The following HTR1F variants were observed in gnomAD, a reference collection of about 807,000 sequenced individuals.
The protein encoded by HTR1F is 5-hydroxytryptamine receptor 1F.
In HTR1F, 17 loss-of-function variants were observed where a neutral mutation model predicts 24.0. That is an observed-to-expected ratio of 0.71 (90% CI 0.48 to 1.06). The LOEUF is 1.06. Ranked by LOEUF, HTR1F falls within the 50% of genes least tolerant of loss-of-function variation. The pLI is 0.00. For missense variants in HTR1F, 391 were observed against 427.8 expected (o/e 0.91, Z 0.76); for synonymous variants, 186 against 156.8 (o/e 1.19, Z -1.39).
At chr3:87,873,723 T>C (rs992108278) in intron 2 of HTR1F, among the ~76,000 whole-genome samples, 11 of 152,182 alleles carry the variant, frequency 7.2e-5, no homozygotes, top group African/African-American at 2.2e-4. Flanking sequence ...AAAAAGATTA[T>C]ACATCATGAC....
At chr3:87,946,232 C>T (rs1451960917) in intron 2 of HTR1F, among the ~76,000 whole-genome samples, 3 of 152,116 alleles carry the variant, frequency 2.0e-5, no homozygotes, top group African/African-American at 4.8e-5. Flanking sequence ...CGGCGGTATG[C>T]GACGGCGGCA....
intron 2 of HTR1F, among the ~76,000 whole-genome samples, chr3:87,908,806 C>A (rs917500291): frequency 5.9e-5 from 9 of 152,038 alleles, no homozygotes; most frequent in African/African-American, 2.2e-4. Flanking sequence ...TGCTATTTCT[C>A]AGTGAAAGTG....
intron 2 of HTR1F, among the ~76,000 whole-genome samples, chr3:87,949,465 C>G (rs1375713137): frequency 6.6e-6 from 1 of 152,148 alleles, no homozygotes; most frequent in Non-Finnish European, 1.5e-5. Context: ...AAATTTCCTT[C>G]AAGTCTGATG....
At position 87,992,964 on chromosome 3, in the gene HTR1F, A is replaced by G. The variant is rs1218121438; in HGVS notation, c.*1114A>G. On this transcript the variant is annotated 3_prime_UTR_variant, in exon 3 of 3. Coordinates refer to ENST00000319595, the MANE Select transcript of HTR1F (RefSeq NM_001322209.2). The stretch of plus-strand genomic sequence containing the variant: ...ATGTACACACATATATATTTTTGTA[A>G]TTAGTCACTCTACTAGTTCAGTGAG... The G allele has an allele frequency of 6.0e-6, 1 of 166,882 alleles. No individual in the cohort carries two copies. Among genetic ancestry groups the G allele is most frequent in the African/African-American group, 2.4e-5 (1 of 41,444 alleles). 10.3% of individuals were successfully genotyped at this position (166,882 alleles called of 1,614,324 possible). A position where few individuals can be genotyped will look rare whatever the true frequency, so the allele number is the denominator to read the frequency against.
intron 2 of HTR1F, among the ~76,000 whole-genome samples, chr3:87,970,358 G>A (rs1705259840): frequency 6.6e-6 from 1 of 152,180 alleles, no homozygotes; most frequent in African/African-American, 2.4e-5. Flanking sequence ...TATCAAGGAT[G>A]GGGACAAGAA....
intron 2 of HTR1F, among the ~76,000 whole-genome samples, chr3:87,969,779 G>T (rs1252002070): frequency 6.6e-6 from 1 of 152,144 alleles, no homozygotes; most frequent in Non-Finnish European, 1.5e-5. Flanking sequence ...GAATAATATG[G>T]TTTGGCTGTG....
At chr3:87,868,742 A>AT (rs1432662949) in intron 2 of HTR1F, among the ~76,000 whole-genome samples, 1 of 149,460 alleles carries the variant, frequency 6.7e-6, no homozygotes, top group Non-Finnish European at 1.5e-5. Flanking sequence ...TATTATTTCC[A>AT]TTTTTTTCTC....
At chr3:87,893,388 A>G (rs1383868267) in intron 2 of HTR1F, among the ~76,000 whole-genome samples, 1 of 152,248 alleles carries the variant, frequency 6.6e-6, no homozygotes, top group African/African-American at 2.4e-5. Context: ...TTACAATGCT[A>G]AATTGAGCAA....
chr3:87,886,445 C>T (rs761662396), intron 2 of HTR1F, among the ~76,000 whole-genome samples: 1 of 152,146 alleles, frequency 6.6e-6, no homozygotes, highest in South Asian at 2.1e-4. Flanking sequence ...CAGAGATGCC[C>T]TCTCTCACCA....
chr3:87,879,182 A>G (rs1240488707), intron 2 of HTR1F, among the ~76,000 whole-genome samples: 3 of 152,204 alleles, frequency 2.0e-5, no homozygotes, highest in Admixed American at 6.5e-5. Context: ...ATAATCTCCA[A>G]TCTAAGTGGA....
intron 2 of HTR1F, among the ~76,000 whole-genome samples, chr3:87,868,974 G>A (rs59115332): frequency 6.6e-6 from 1 of 151,960 alleles, no homozygotes; most frequent in South Asian, 2.1e-4. Context: ...GTAAAAGAAA[G>A]AAAAATTGAA....
chr3:87,863,872 T>C (rs1705367674), intron 2 of HTR1F, among the ~76,000 whole-genome samples: 1 of 152,216 alleles, frequency 6.6e-6, no homozygotes, highest in African/African-American at 2.4e-5. Flanking sequence ...AAGTTTGAAA[T>C]GGTTATCACT....
intron 2 of HTR1F, among the ~76,000 whole-genome samples, chr3:87,916,309 G>GAAAAAAAAAAAA (rs34801984): frequency 2.7e-5 from 3 of 111,064 alleles, no homozygotes; most frequent in Admixed American, 2.0e-4. Flanking sequence ...AAGCAAAAAA[G>GAAAAAAAAAAAA]AAAAAAAAAA....
intron 2 of HTR1F, among the ~76,000 whole-genome samples, chr3:87,894,016 T>C (rs1407323016): frequency 6.6e-6 from 1 of 151,980 alleles, no homozygotes; most frequent in Non-Finnish European, 1.5e-5. Context: ...ATTTTTCTTT[T>C]TTTTTTATTT....
At chr3:87,824,205 G>A (rs1384330856) in intron 2 of HTR1F, among the ~76,000 whole-genome samples, 1 of 152,086 alleles carries the variant, frequency 6.6e-6, no homozygotes, top group Admixed American at 6.5e-5. Context: ...ACTTTTTGAT[G>A]TTCCATCTAA....
At chr3:87,843,972 A>C (rs534799707) in intron 2 of HTR1F, among the ~76,000 whole-genome samples, 41 of 151,014 alleles carry the variant, frequency 2.7e-4, no homozygotes, top group African/African-American at 9.8e-4. Context: ...ATTGTGAATA[A>C]TGCTGCAATA....
At chr3:87,882,087 C>T (rs540824094) in intron 2 of HTR1F, among the ~76,000 whole-genome samples, 1 of 152,304 alleles carries the variant, frequency 6.6e-6, no homozygotes, top group South Asian at 2.1e-4. Context: ...GACATTTATG[C>T]AGCCAAAAGA....
chr3:87,981,634 C>T (rs1288957661), intron 2 of HTR1F, among the ~76,000 whole-genome samples: 2 of 152,182 alleles, frequency 1.3e-5, no homozygotes, highest in Non-Finnish European at 2.9e-5. Context: ...CATTCCACCC[C>T]ACACACTCAA....
At chr3:87,961,961 T>TA (rs1369297967) in intron 2 of HTR1F, among the ~76,000 whole-genome samples, 1 of 152,070 alleles carries the variant, frequency 6.6e-6, no homozygotes, top group East Asian at 1.9e-4. Context: ...ATAGACATAC[T>TA]AAAAAATGAT....
Sources: allele counts gnomAD v4.1 joint callset (sites outside exome capture counted in the v4.1 genomes callset), GRCh38; gene constraint gnomAD v4.1.1; transcripts MANE v1.5; gene names NCBI Gene and HGNC (gene_info 2026-07-23, HGNC 2026-07-21).